Variants in FRMPD4 observed in about 807,000 individuals in gnomAD.
FRMPD4 encodes FERM and PDZ domain-containing protein 4.
FRMPD4 carries 22 observed loss-of-function variants against 94.1 expected under a neutral mutation model. The observed-to-expected ratio is 0.23, with a 90% CI of 0.17 to 0.33. The LOEUF is 0.33. Ranked by LOEUF, FRMPD4 falls within the 10% of genes least tolerant of loss-of-function variation. The pLI is 1.00. For missense variants in FRMPD4, 1,111 were observed against 1,339.9 expected, an observed-to-expected ratio of 0.83 and a Z score of 2.67; for synonymous variants, 631 against 548.6, an observed-to-expected ratio of 1.15 and a Z score of -2.10.
At chrX:12,045,643 T>A (rs2054781255) in intron 3 of FRMPD4, among the ~76,000 whole-genome samples, 1 of 111,347 alleles carries the variant, frequency 9.0e-6, no homozygotes, top group South Asian at 3.8e-4. Context: ...TTGGCTAGTA[T>A]GGGGATTATT....
At chrX:12,103,973 T>A (rs771148135) in intron 3 of FRMPD4, among the ~76,000 whole-genome samples, 2 of 112,018 alleles carry the variant, frequency 1.8e-5, no homozygotes, top group Non-Finnish European at 3.8e-5. Context: ...TTATTTCTCA[T>A]GGTTCTGGAA....
intron 3 of FRMPD4, among the ~76,000 whole-genome samples, chrX:12,056,785 TTCATGATACGA>T (rs1370023851): frequency 1.8e-5 from 2 of 111,953 alleles, no homozygotes; most frequent in Non-Finnish European, 3.8e-5. Flanking sequence ...TATATAACAT[TTCATGATACGA>T]ACATACTAAA....
intron 2 of FRMPD4, among the ~76,000 whole-genome samples, chrX:12,530,827 GAGGA>G (rs60355042): frequency 0.052 from 5,789 of 111,553 alleles, 174 homozygotes; most frequent in African/African-American, 0.11. Flanking sequence ...GGATTGACAG[GAGGA>G]TGGATGGATG....
intron 1 of FRMPD4, among the ~76,000 whole-genome samples, chrX:12,402,257 C>G (rs188797160): frequency 1.5e-4 from 17 of 110,968 alleles, no homozygotes; most frequent in South Asian, 3.8e-4. Flanking sequence ...CCACCCCCCC[C>G]ACAAAAGCAG....
chrX:12,679,702 G>A (rs2059946320), intron 5 of FRMPD4, among the ~76,000 whole-genome samples: 1 of 111,831 alleles, frequency 8.9e-6, no homozygotes, highest in African/African-American at 3.3e-5. Flanking sequence ...ACAGAAACTG[G>A]TGGATAAATA....
chrX:12,717,852 A>G lies in FRMPD4; in HGVS notation c.3026A>G (p.Asp1009Gly), dbSNP rs768523207. The G allele has an allele frequency of 9.9e-6, 12 of 1,211,168 alleles. No individual in the cohort carries two copies. In the South Asian group the frequency reaches 1.8e-4, roughly 18 times the overall value. ...PETMETKSVTDYFSKLHMGSV... is the reference protein window; with the variant it reads ...PETMETKSVTGYFSKLHMGSV... ...ACTATGGAGACTAAGTCGGTCACTG[A>G]CTATTTTAGCAAACTGCACATGGGG... The change falls in exon 16 of 17, where the codon GAC becomes GGC. Residue 1009 changes from aspartate (D) to glycine (G), a missense_variant. Asp to Gly is a moderately conservative substitution (Grantham distance 94, BLOSUM62 -1). Around this residue, in one of 8 missense-constraint regions of FRMPD4, gnomAD observed 551 missense variants for 591.6 expected, o/e 0.93. Transcript: ENST00000675598.
chrX:11,882,049 C>G (rs2053816741), intron 3 of FRMPD4, among the ~76,000 whole-genome samples: 2 of 111,536 alleles, frequency 1.8e-5, no homozygotes, highest in Non-Finnish European at 3.8e-5. Flanking sequence ...ACAGTCTTGT[C>G]TACCCTCAAC....
intron 1 of FRMPD4, among the ~76,000 whole-genome samples, chrX:11,844,358 A>AT (rs932471053): frequency 6.5e-5 from 7 of 107,831 alleles, no homozygotes; most frequent in Admixed American, 4.0e-4. Context: ...TTTTTGGAGG[A>AT]TTTTTTTTTC....
intron 1 of FRMPD4, among the ~76,000 whole-genome samples, chrX:12,324,597 A>AT (rs1444951059): frequency 9.0e-6 from 1 of 111,442 alleles, no homozygotes; most frequent in Non-Finnish European, 1.9e-5. Flanking sequence ...GCTACAGATA[A>AT]TTTTTTCTGA....
At chrX:12,080,041 A>G (rs1004371207) in intron 3 of FRMPD4, among the ~76,000 whole-genome samples, 15 of 112,574 alleles carry the variant, frequency 1.3e-4, no homozygotes, top group Non-Finnish European at 1.9e-5. Context: ...GGAAACTCTT[A>G]GAGATCAGAT....
intron 3 of FRMPD4, among the ~76,000 whole-genome samples, chrX:12,060,691 A>T (rs2054880609): frequency 9.0e-6 from 1 of 111,350 alleles, no homozygotes; most frequent in South Asian, 3.8e-4. Flanking sequence ...TGTTGTGTGT[A>T]TCTGGTTGTC....
chrX:12,130,302 C>T (rs1319351178), intron 3 of FRMPD4, among the ~76,000 whole-genome samples: 1 of 111,741 alleles, frequency 8.9e-6, no homozygotes, highest in Admixed American at 9.5e-5. Flanking sequence ...GATTTTCATG[C>T]CTATTACCTC....
In FRMPD4 at chrX:12,071,195, G is replaced by A. The variant is rs987910533; in HGVS notation, c.95+193177G>A. 1.3e-4 allele frequency among the ~76,000 whole-genome samples: 14 copies of A among 110,158 alleles called. No individual in the cohort carries two copies. The East Asian group carries it at 2.6e-3, about 20-fold the overall frequency. On this transcript the variant is annotated intron_variant, in intron 3 of 18. Coordinates refer to the FRMPD4 transcript ENST00000640291. Reference sequence around the variant, plus strand: ...CTTTCCCCTTCCTCCTCCTGGCTTCGTCATTCCTAGCTTGCCACCCTCCCC... The same window carrying A: ...CTTTCCCCTTCCTCCTCCTGGCTTCATCATTCCTAGCTTGCCACCCTCCCC...
intron 2 of FRMPD4, among the ~76,000 whole-genome samples, chrX:12,584,851 A>T (rs1001013025): frequency 8.9e-6 from 1 of 112,567 alleles, no homozygotes; most frequent in Non-Finnish European, 1.9e-5. Context: ...ACAATTATGT[A>T]TAAGGTCATT....
chrX:12,304,914 T>A (rs1258145864), intron 1 of FRMPD4, among the ~76,000 whole-genome samples: 2 of 111,971 alleles, frequency 1.8e-5, no homozygotes, highest in Non-Finnish European at 3.8e-5. Context: ...TTGTAAAATA[T>A]GAACATTGCA....
At chrX:12,450,976 C>T (rs1335653629) in intron 1 of FRMPD4, among the ~76,000 whole-genome samples, 1 of 108,842 alleles carries the variant, frequency 9.2e-6, no homozygotes, top group African/African-American at 3.3e-5. Flanking sequence ...GCGAAGTCCT[C>T]ACAGTGAATG....
rs2058339555 is a variant in FRMPD4, at chrX:12,536,380, C to T, written c.158+37584C>T. On this transcript the variant is annotated intron_variant, in intron 2 of 16. Coordinates refer to ENST00000675598, the MANE Select transcript of FRMPD4 (RefSeq NM_001368397.1). Reference sequence around the variant, plus strand: ...AAAAAAAAAAAGTCTACTTGATTATCACAGGACAAAAGGTTTTTATCCTGA... The same window carrying T: ...AAAAAAAAAAAGTCTACTTGATTATTACAGGACAAAAGGTTTTTATCCTGA... 4.5e-5 allele frequency among the ~76,000 whole-genome samples: 5 copies of T among 109,997 alleles called. No homozygotes were observed. In the South Asian group the frequency reaches 1.9e-3, roughly 42 times the overall value.
intron 1 of FRMPD4, among the ~76,000 whole-genome samples, chrX:12,351,003 G>A (rs973338188): frequency 1.7e-4 from 19 of 111,081 alleles, no homozygotes; most frequent in African/African-American, 2.0e-4. Context: ...GTGAAACCCC[G>A]TCTCTACTAA....
At chrX:12,684,338 C>T (rs746955060) in intron 6 of FRMPD4, among the ~76,000 whole-genome samples, 100 of 112,284 alleles carry the variant, frequency 8.9e-4, no homozygotes, top group African/African-American at 3.1e-3. Flanking sequence ...AATAAATCCA[C>T]GAGGATAAAA....
Sources: allele counts gnomAD v4.1 joint callset (sites outside exome capture counted in the v4.1 genomes callset), GRCh38; gene constraint gnomAD v4.1.1; regional missense constraint gnomAD v4.1.1; transcripts MANE v1.5; gene names NCBI Gene and HGNC (gene_info 2026-07-23, HGNC 2026-07-21).